Variants in MAN1C1 observed in about 807,000 individuals in gnomAD.
MAN1C1 encodes the protein mannosidase alpha class 1C member 1, also known as mannosyl-oligosaccharide 1,2-alpha-mannosidase IC.
MAN1C1 carries 49 observed loss-of-function variants against 71.5 expected under a neutral mutation model. That is an observed-to-expected ratio of 0.69 (90% confidence interval 0.54 to 0.87). The LOEUF (loss-of-function observed/expected upper bound fraction) is 0.87, where lower values mean the gene tolerates loss of function less well. Among genes scored for constraint, MAN1C1 ranks in the 40% least tolerant of loss-of-function variants. MAN1C1 has a pLI of 0.00. For missense variants in MAN1C1, 743 were observed against 835.0 expected (o/e 0.89, Z 1.36); for synonymous variants, 352 against 343.7 (o/e 1.02, Z -0.27).
At chr1:25,658,490 G>A (rs1354580095) in intron 1 of MAN1C1, among the ~76,000 whole-genome samples, 11 of 152,062 alleles carry the variant, frequency 7.2e-5, no homozygotes, top group Non-Finnish European at 1.2e-4. Flanking sequence ...TGGCTCTCTC[G>A]CCTAGGCTAG....
intron 1 of MAN1C1, among the ~76,000 whole-genome samples, chr1:25,665,391 G>A (rs113181633): frequency 9.9e-5 from 15 of 152,124 alleles, no homozygotes; most frequent in East Asian, 3.9e-4. Context: ...AAATGGACTC[G>A]GTGTGATAAC....
At chr1:25,704,122 G>A (rs2744784) in intron 2 of MAN1C1, among the ~76,000 whole-genome samples, 5,913 of 152,208 alleles carry the variant, frequency 0.039, 140 homozygotes, top group Non-Finnish European at 0.055. Context: ...AAGCAGTCCC[G>A]CAGTGTTTCA....
chr1:25,700,699 C>G (rs1367544939), intron 2 of MAN1C1, among the ~76,000 whole-genome samples: 7 of 152,360 alleles, frequency 4.6e-5, no homozygotes. Flanking sequence ...AGTTCAGTGC[C>G]AGGGAATCAC....
chr1:25,683,664 G>A (rs2046186560), intron 1 of MAN1C1, among the ~76,000 whole-genome samples: 1 of 151,722 alleles, frequency 6.6e-6, no homozygotes, highest in Admixed American at 6.6e-5. Context: ...GGGGTGGGGG[G>A]TAGGGGCTGG....
chr1:25,763,106 A>G (rs2047381953), intron 6 of MAN1C1, among the ~76,000 whole-genome samples: 1 of 152,140 alleles, frequency 6.6e-6, no homozygotes, highest in African/African-American at 2.4e-5. Flanking sequence ...CATCTCTACT[A>G]AAAATACAAA....
intron 1 of MAN1C1, among the ~76,000 whole-genome samples, chr1:25,675,584 C>CGG (rs61385512): frequency 1.6e-3 from 88 of 56,412 alleles, no homozygotes; most frequent in African/African-American, 3.0e-3. Flanking sequence ...ACTTATTTTG[C>CGG]GGGGGGGGGG....
At chr1:25,696,059 A>G (rs370037185) in intron 2 of MAN1C1, among the ~76,000 whole-genome samples, 2 of 152,320 alleles carry the variant, frequency 1.3e-5, no homozygotes, top group East Asian at 3.9e-4. Context: ...TCCCAGAGCA[A>G]GTTGCTGGGG....
At chr1:25,768,336 T>A (rs2047483772) in intron 7 of MAN1C1, among the ~76,000 whole-genome samples, 1 of 48,900 alleles carries the variant, frequency 2.0e-5, no homozygotes. Flanking sequence ...CACACTCCCC[T>A]CACACACACC....
At chr1:25,633,025 A>C (rs2124754768) in intron 1 of MAN1C1, among the ~76,000 whole-genome samples, 1 of 151,908 alleles carries the variant, frequency 6.6e-6, no homozygotes, top group African/African-American at 2.4e-5. Context: ...GTGCCACCAC[A>C]CCCAACTAAT....
chr1:25,677,459 C>T (rs1452785493), intron 1 of MAN1C1, among the ~76,000 whole-genome samples: 5 of 152,060 alleles, frequency 3.3e-5, no homozygotes, highest in East Asian at 1.9e-4. Flanking sequence ...CTGCCTGTTG[C>T]GCGTTTCTAG....
At chr1:25,647,692 C>A (rs1298711729) in intron 1 of MAN1C1, among the ~76,000 whole-genome samples, 2 of 152,162 alleles carry the variant, frequency 1.3e-5, no homozygotes, top group Non-Finnish European at 2.9e-5. Context: ...TATTTGCTCC[C>A]AGTGGTAGCT....
intron 1 of MAN1C1, among the ~76,000 whole-genome samples, chr1:25,623,606 C>G (rs895363237): frequency 1.3e-5 from 2 of 152,162 alleles, no homozygotes; most frequent in African/African-American, 4.8e-5. Flanking sequence ...GCATACTTTG[C>G]TCAAAGGGAC....
intron 2 of MAN1C1, among the ~76,000 whole-genome samples, chr1:25,736,868 T>C (rs1220152105): frequency 1.3e-5 from 2 of 152,214 alleles, no homozygotes; most frequent in African/African-American, 4.8e-5. Flanking sequence ...GTCAAGTCAG[T>C]TGCCCAAGCT....
chr1:25,686,562 A>G, intron 2 of MAN1C1, 26 bp downstream of exon 2: 1 of 1,599,542 alleles, frequency 6.3e-7, no homozygotes, highest in Non-Finnish European at 8.6e-7. Context: ...CCACTTTGAT[A>G]TTGGGAGGGA....
At chr1:25,652,947 GA>G (rs1334568377) in intron 1 of MAN1C1, among the ~76,000 whole-genome samples, 2 of 152,058 alleles carry the variant, frequency 1.3e-5, no homozygotes, top group Non-Finnish European at 2.9e-5. Context: ...TTGTAGAAAT[GA>G]GGTCTCGCCA....
At chr1:25,676,094 G>GCAGCA (rs2046063555) in intron 1 of MAN1C1, among the ~76,000 whole-genome samples, 1 of 151,854 alleles carries the variant, frequency 6.6e-6, no homozygotes, top group South Asian at 2.1e-4. Flanking sequence ...TTTGAGCAGC[G>GCAGCA]AGAGTTTCTC....
In MAN1C1 at chr1:25,764,172, G is replaced by A. The variant is rs139826203; in HGVS notation, c.1141+205G>A. 1.3e-5 allele frequency among the ~76,000 whole-genome samples: 2 copies of A among 152,278 alleles called. No homozygotes were observed. Among genetic ancestry groups the A allele is most frequent in the African/African-American group, 2.4e-5 (1 of 41,560 alleles). On this transcript the variant is annotated intron_variant, in intron 7 of 11. Transcript: ENST00000374332. The surrounding 1 kb of genome is among the most constrained non-coding windows in gnomAD (Gnocchi z 4.4). ...TGTGGTTGTCTGCTGCTGCAGTGCC[G>A]GATGTGATGGCTGCTGTTTACTGAA... is the stretch of plus-strand genomic sequence containing the variant.
intron 2 of MAN1C1, among the ~76,000 whole-genome samples, chr1:25,716,982 G>GTTTT (rs939123689): frequency 1.1e-4 from 16 of 152,258 alleles, no homozygotes; most frequent in African/African-American, 3.4e-4. Context: ...CCTCCATGGT[G>GTTTT]TTTTGTCTGT....
At position 25,775,220 on chromosome 1, in the gene MAN1C1, C is replaced by T. The variant is rs1258495117; in HGVS notation, c.1258-2885C>T. ...CTCCCCTGCACCGCAGGCTTAGTGA[C>T]GCCGAGCAGCTGCCAGGGACATGGC... On this transcript the variant is annotated intron_variant, in intron 8 of 11. Coordinates refer to ENST00000374332, the MANE Select transcript of MAN1C1 (RefSeq NM_020379.4). This position sits in a 1 kb window ranked among gnomAD's most constrained non-coding sequence, Gnocchi z 5.1. 3.9e-5 allele frequency among the ~76,000 whole-genome samples: 6 copies of T among 152,338 alleles called. No homozygotes were observed. The highest frequency in any genetic ancestry group is 1.2e-4 in the African/African-American group (5 of 41,570).
Sources: gnomAD v4.1 joint callset for allele counts (sites outside exome capture counted in the v4.1 genomes callset) on GRCh38, gnomAD v4.1.1 for gene constraint, Gnocchi (gnomAD v3.1) non-coding constraint, MANE v1.5 for transcripts, NCBI Gene and HGNC (gene_info 2026-07-23, HGNC 2026-07-21) for gene names.